CCDC60: variants seen among roughly 807,000 people sequenced by gnomAD.
CCDC60 encodes the protein coiled-coil domain-containing protein 60.
CCDC60 carries 54 observed loss-of-function variants against 63.5 expected under a neutral mutation model. That is an observed-to-expected ratio of 0.85 (90% CI 0.68 to 1.07). The LOEUF (loss-of-function observed/expected upper bound fraction) is 1.07, where lower values mean the gene tolerates loss of function less well. Among genes scored for constraint, CCDC60 ranks in the 50% least tolerant of loss-of-function variants. The pLI is 0.00. For synonymous variants in CCDC60, 206 were observed against 238.8 expected, an observed-to-expected ratio of 0.86 and a Z score of 1.27; for missense variants, 651 against 684.3, an observed-to-expected ratio of 0.95 and a Z score of 0.54.
chr12:119,507,750 C>T lies in CCDC60; in HGVS notation c.883+2447C>T, dbSNP rs184885949. On this transcript the variant is annotated intron_variant, in intron 7 of 13. Coordinates refer to ENST00000327554, the MANE Select transcript of CCDC60 (RefSeq NM_178499.5). ...CCCACCTCAGCTTCCTGGCCACTTA[C>T]GGATTTCTTGATTCTTCTTTCATTT... Among the ~76,000 whole-genome samples the T allele has an allele frequency of 1.4e-3, 204 of 150,658 alleles. 2 individuals carry two copies. Among genetic ancestry groups the T allele is most frequent in the African/African-American group, 4.8e-3 (196 of 41,018 alleles).
chr12:119,531,706 G>A (rs1276425453), intron 13 of CCDC60, among the ~76,000 whole-genome samples: 5 of 152,212 alleles, frequency 3.3e-5, no homozygotes, highest in Admixed American at 6.5e-5. Flanking sequence ...AGCAGGCAAG[G>A]AGTGCATAGT....
At position 119,420,824 on chromosome 12, in the gene CCDC60, G is replaced by A. The variant is rs1186332585; in HGVS notation, c.91-7859G>A. On this transcript the variant is annotated intron_variant, in intron 1 of 13. Coordinates refer to ENST00000327554, the MANE Select transcript of CCDC60 (RefSeq NM_178499.5). This position sits in a 1 kb window ranked among gnomAD's most constrained non-coding sequence, Gnocchi z 4.1. ...TGTATCAAAACAACTCATGTATTCC[G>A]TAAATATATGCACTTATTATGTACC... Among the ~76,000 whole-genome samples, 8 of 152,056 alleles carry A rather than the reference G, an allele frequency of 5.3e-5. 1 individual carries two copies. The East Asian group carries it at 9.7e-4, about 18-fold the overall frequency.
At chr12:119,390,254 T>C (rs940303508) in intron 1 of CCDC60, among the ~76,000 whole-genome samples, 2 of 152,202 alleles carry the variant, frequency 1.3e-5, no homozygotes, top group Non-Finnish European at 2.9e-5. Flanking sequence ...TGGGTCTGTT[T>C]AGATACTACT....
At chr12:119,406,416 TC>T (rs1282090717) in intron 1 of CCDC60, among the ~76,000 whole-genome samples, 2 of 152,076 alleles carry the variant, frequency 1.3e-5, no homozygotes, top group African/African-American at 4.8e-5. Flanking sequence ...AGTTGAAAAA[TC>T]AACACATATT....
intron 13 of CCDC60, among the ~76,000 whole-genome samples, chr12:119,538,805 G>T (rs1374850536): frequency 6.6e-6 from 1 of 152,176 alleles, no homozygotes; most frequent in Non-Finnish European, 1.5e-5. Context: ...TTTTGTGCTG[G>T]TTTTTCCTCA....
intron 1 of CCDC60, among the ~76,000 whole-genome samples, chr12:119,406,093 C>G (rs1490849588): frequency 6.6e-6 from 1 of 152,088 alleles, no homozygotes; most frequent in Admixed American, 6.6e-5. Flanking sequence ...ATCGCTTGAA[C>G]CCGGGAGGCA....
intron 4 of CCDC60, among the ~76,000 whole-genome samples, chr12:119,488,297 T>C (rs1951503795): frequency 6.6e-6 from 1 of 152,132 alleles, no homozygotes; most frequent in African/African-American, 2.4e-5. Context: ...TTTCCAGACT[T>C]TTTACACACT....
chr12:119,343,455 T>C (rs954022969), intron 1 of CCDC60, among the ~76,000 whole-genome samples: 1 of 152,032 alleles, frequency 6.6e-6, no homozygotes, highest in African/African-American at 2.4e-5. Flanking sequence ...AGAGAGAGAC[T>C]ATCCCTCATT....
chr12:119,481,245 T>G (rs1951312322), intron 4 of CCDC60, among the ~76,000 whole-genome samples: 1 of 152,224 alleles, frequency 6.6e-6, no homozygotes, highest in South Asian at 2.1e-4. Context: ...AAGCTTGATG[T>G]TCTTAAAGCA....
intron 3 of CCDC60, among the ~76,000 whole-genome samples, chr12:119,473,514 T>C (rs1951109967): frequency 6.6e-6 from 1 of 152,178 alleles, no homozygotes; most frequent in Admixed American, 6.5e-5. Context: ...CATGAATAAG[T>C]TCTCCAGTGG....
At chr12:119,350,010 T>C (rs1438687575) in intron 1 of CCDC60, among the ~76,000 whole-genome samples, 1 of 151,906 alleles carries the variant, frequency 6.6e-6, no homozygotes, top group Non-Finnish European at 1.5e-5. Context: ...ACCAAAAGCA[T>C]TGACATAAGA....
At chr12:119,479,995 T>TAC (rs56080581) in intron 4 of CCDC60, among the ~76,000 whole-genome samples, 17,917 of 121,834 alleles carry the variant, frequency 0.15, 1,246 homozygotes, top group Middle Eastern at 0.22. Context: ...CCGTACATCA[T>TAC]ACACACACAC....
At position 119,528,657 on chromosome 12, in the gene CCDC60, C is replaced by A. The variant is rs1406319584; in HGVS notation, c.1272C>A (p.Val424=). The change falls in exon 12 of 14, where the codon GTC becomes GTA. Residue 424 remains valine (V), a synonymous_variant. Transcript: ENST00000327554. ...ERGIQKFRAF[V]LVSNFQKDIA... Reference sequence around the variant, plus strand: ...GTATCCAGAAGTTCCGTGCTTTTGTCCTTGTCTCAAATTTTCAAAAGGACA... The same window carrying A: ...GTATCCAGAAGTTCCGTGCTTTTGTACTTGTCTCAAATTTTCAAAAGGACA... 5.6e-6 allele frequency: 9 copies of A among 1,613,876 alleles called. No individual in the cohort carries two copies. The highest frequency in any genetic ancestry group is 7.6e-6 in the Non-Finnish European group (9 of 1,179,944).
chr12:119,428,858 C>T, intron 2 of CCDC60, 96 bp downstream of exon 2: 1 of 757,386 alleles, frequency 1.3e-6, no homozygotes. Flanking sequence ...GTCCCAGCAT[C>T]CCCCAATTCT....
At chr12:119,354,698 C>A (rs1037750528) in intron 1 of CCDC60, among the ~76,000 whole-genome samples, 1 of 152,166 alleles carries the variant, frequency 6.6e-6, no homozygotes, top group Non-Finnish European at 1.5e-5. Flanking sequence ...TTAATGTAGA[C>A]CACAAAATGT....
intron 1 of CCDC60, among the ~76,000 whole-genome samples, chr12:119,423,528 A>G (rs1442660306): frequency 2.0e-5 from 3 of 152,204 alleles, no homozygotes; most frequent in Admixed American, 1.3e-4. Context: ...GTGAGAGTTA[A>G]GCAGAAGCCA....
At chr12:119,344,853 T>TCACACACACACA (rs1489223455) in intron 1 of CCDC60, among the ~76,000 whole-genome samples, 5 of 104,114 alleles carry the variant, frequency 4.8e-5, no homozygotes, top group Non-Finnish European at 7.8e-5. Context: ...TCTCTCTCTC[T>TCACACACACACA]CTCACACACA....
At chr12:119,527,166 A>C (rs934461264) in intron 11 of CCDC60, among the ~76,000 whole-genome samples, 6 of 152,230 alleles carry the variant, frequency 3.9e-5, no homozygotes, top group Non-Finnish European at 8.8e-5. Flanking sequence ...ACAGGAACAG[A>C]AAACCAAATA....
intron 2 of CCDC60, chr12:119,433,340 T>A (rs1346378529): frequency 1.4e-6 from 1 of 696,046 alleles, no homozygotes; most frequent in Non-Finnish European, 2.6e-6. Flanking sequence ...AACAGACGCA[T>A]TAAATGTTAA....
Sources: gnomAD v4.1 joint callset for allele counts (sites outside exome capture counted in the v4.1 genomes callset) on GRCh38, gnomAD v4.1.1 for gene constraint, Gnocchi (gnomAD v3.1) non-coding constraint, MANE v1.5 for transcripts, NCBI Gene and HGNC (gene_info 2026-07-23, HGNC 2026-07-21) for gene names.